RNF212: variants seen among roughly 807,000 people sequenced by gnomAD.
The protein encoded by RNF212 is ring finger protein 212, also known as probable E3 SUMO-protein ligase RNF212.
Under a neutral mutation model 34.7 loss-of-function variants are expected in RNF212, and 33 were observed. The observed-to-expected ratio is 0.95, with a 90% CI of 0.72 to 1.27. RNF212 has a LOEUF of 1.27. RNF212 is among the 50% of genes most tolerant of loss of function. The pLI is 0.00. For synonymous variants in RNF212, 140 were observed against 136.1 expected (o/e 1.03, Z -0.20); for missense variants, 377 against 362.2 (o/e 1.04, Z -0.33).
chr4:1,073,125 C>A lies in RNF212; in HGVS notation c.643G>T (p.Glu215Ter). ...LTLSKPPVPG[E>*]CVISRGSPCF... is the part of the protein sequence containing the mutation. ...GGTGAACCTCTGGAAATGACACACTCTCCGGGCACAGGGGGCTTAGACAAG... is the reference window on the plus strand; with the variant it reads ...GGTGAACCTCTGGAAATGACACACTATCCGGGCACAGGGGGCTTAGACAAG... The change falls in exon 10 of 10, where the codon GAG becomes TAG. Residue 215 changes from glutamate (E) to a stop codon, truncating the protein, a stop_gained. Coordinates refer to ENST00000433731, the MANE Select transcript of RNF212 (RefSeq NM_001131034.4). LOFTEE classifies it low-confidence loss of function (END_TRUNC). The A allele has an allele frequency of 6.2e-7, 1 of 1,614,194 alleles. No homozygotes were observed.
At chr4:1,090,494 C>T (rs963026573) in intron 4 of RNF212, among the ~76,000 whole-genome samples, 1 of 152,172 alleles carries the variant, frequency 6.6e-6, no homozygotes, top group Non-Finnish European at 1.5e-5. Flanking sequence ...TTCCAAACTC[C>T]CAAGGCCCCA....
At chr4:1,085,985 A>G in intron 4 of RNF212, 31 bp from the exon 5 acceptor site, 1 of 1,499,744 alleles carries the variant, frequency 6.7e-7, no homozygotes, top group South Asian at 1.1e-5. Context: ...TCTTGTTATC[A>G]GACAGGCTAT....
At chr4:1,089,706 A>AT (rs140575820) in intron 4 of RNF212, among the ~76,000 whole-genome samples, 25,577 of 152,038 alleles carry the variant, frequency 0.17, 3,284 homozygotes, top group African/African-American at 0.36. Context: ...AAGTGATTGG[A>AT]TCATGGGGGC....
intron 3 of RNF212, among the ~76,000 whole-genome samples, chr4:1,091,652 G>A (rs540743704): frequency 1.3e-5 from 2 of 152,312 alleles, no homozygotes; most frequent in South Asian, 2.1e-4. Context: ...CAAACACAGG[G>A]CAGGCTTCTT....
intron 3 of RNF212, among the ~76,000 whole-genome samples, chr4:1,058,967 C>T (rs1717550709): frequency 6.6e-6 from 1 of 152,228 alleles, no homozygotes; most frequent in Admixed American, 6.5e-5. Context: ...CTTTCAGTGC[C>T]CCACCCGTGT....
chr4:1,097,983 T>C (rs1379997357), intron 2 of RNF212, among the ~76,000 whole-genome samples: 2 of 152,024 alleles, frequency 1.3e-5, no homozygotes, highest in African/African-American at 4.8e-5. Flanking sequence ...AAGAATCGCT[T>C]GAACCCGGGA....
chr4:1,078,660 C>G (rs938555784), intron 8 of RNF212, among the ~76,000 whole-genome samples: 2 of 152,236 alleles, frequency 1.3e-5, no homozygotes, highest in African/African-American at 4.8e-5. Flanking sequence ...CCAGGGCCAC[C>G]AACTTTGCTG....
In RNF212 at chr4:1,057,449, TGAG is replaced by T. The variant is rs1717404110; in HGVS notation, n.220+869_220+871del. ...CGGAGTGGGAGGCCACCCAGAGGTC[TGAG>T]AAGAGCAGGGGGAGGTGAACTGTGG... On this transcript the variant is annotated intron_variant and non_coding_transcript_variant, in intron 4 of 4. Coordinates refer to the RNF212 transcript ENST00000503206. 1.3e-5 allele frequency among the ~76,000 whole-genome samples: 2 copies of T among 152,146 alleles called. 1 individual carries two copies. The highest frequency in any genetic ancestry group is 4.1e-4 in the South Asian group (2 of 4,832).
intron 4 of RNF212, chr4:1,056,538 C>T (rs1182825910): frequency 7.2e-6 from 7 of 967,440 alleles, no homozygotes; most frequent in Non-Finnish European, 8.6e-6. Flanking sequence ...ATGTTACATA[C>T]AAAAAATAAG....
chr4:1,064,891 C>T (rs1374271697), intron 3 of RNF212, among the ~76,000 whole-genome samples: 1 of 152,214 alleles, frequency 6.6e-6, no homozygotes, highest in East Asian at 1.9e-4. Context: ...TGGACTCACA[C>T]AGCATTTGTG....
intron 3 of RNF212, among the ~76,000 whole-genome samples, chr4:1,064,381 A>C (rs1717951208): frequency 6.6e-6 from 1 of 152,238 alleles, no homozygotes; most frequent in Non-Finnish European, 1.5e-5. Flanking sequence ...ATAATAAAGC[A>C]CACAGATAAA....
chr4:1,113,622 C>T, upstream of RNF212: 2 of 519,494 alleles, frequency 3.8e-6, no homozygotes, highest in Admixed American at 4.4e-5. Context: ...CGCCCTCCCG[C>T]CAACCTCGCG....
chr4:1,068,147 T>A (rs1298555732), downstream of RNF212, among the ~76,000 whole-genome samples: 2 of 152,196 alleles, frequency 1.3e-5, no homozygotes, highest in Non-Finnish European at 2.9e-5. Context: ...GAACCTGGAA[T>A]AGGCAAAATT....
chr4:1,065,595 G>A (rs1332969328), intron 3 of RNF212, among the ~76,000 whole-genome samples: 1 of 151,872 alleles, frequency 6.6e-6, no homozygotes, highest in Non-Finnish European at 1.5e-5. Context: ...AGCATCCTGA[G>A]AAGCTGGGAC....
In RNF212 at chr4:1,078,955, CA is replaced by C. The variant is rs1719824970; in HGVS notation, c.510+687del. Among the ~76,000 whole-genome samples the C allele has an allele frequency of 9.1e-5, 13 of 142,550 alleles. 1 individual carries two copies. Among genetic ancestry groups the C allele is most frequent in the Admixed American group, 1.4e-4 (2 of 14,232 alleles). 93.5% of individuals were successfully genotyped at this position (142,550 alleles called of 152,430 possible). A position where few individuals can be genotyped will look rare whatever the true frequency, so the allele number is the denominator to read the frequency against. Reference sequence around the variant, plus strand: ...ACACAGGGTCAACACAGGACCAACACAGGACCAACATAGGACCAACACAGGG... The same window carrying C: ...ACACAGGGTCAACACAGGACCAACACGGACCAACATAGGACCAACACAGGG... On this transcript the variant is annotated intron_variant, in intron 8 of 9. Transcript: ENST00000433731.
At chr4:1,077,352 T>G (rs1481590613) in intron 8 of RNF212, among the ~76,000 whole-genome samples, 14 of 152,208 alleles carry the variant, frequency 9.2e-5, no homozygotes, top group Admixed American at 9.2e-4. Flanking sequence ...TTTCCAACAG[T>G]AGCACCTAGT....
Position 1,072,970 on chromosome 4 carries a change from C to G in RNF212, c.798G>C (p.Pro266=), listed in dbSNP as rs571741312. ...YAEVQRAVLF[P]FQQAEGTLDT... is the part of the protein sequence containing the mutation. ...CCAGGGTGCCCTCAGCCTGCTGGAA[C>G]GGAAACAAGACGGCCCTTTGTACCT... is the stretch of plus-strand genomic sequence containing the variant. Residue 266 remains proline (P), a synonymous_variant, in exon 10 of 10, where the codon CCG becomes CCC. Transcript: ENST00000433731. The G allele has an allele frequency of 9.9e-6, 16 of 1,614,146 alleles. No homozygotes were observed. In the South Asian group the frequency reaches 1.6e-4, roughly 17 times the overall value.
intron 3 of RNF212, chr4:1,093,541 C>CTGCCCAGGCTGGAGCCAGCCGT: frequency 6.5e-7 from 1 of 1,534,242 alleles, no homozygotes; most frequent in East Asian, 2.4e-5. Flanking sequence ...GAGCCTGTGA[C>CTGCCCAGGCTGGAGCCAGCCGT]CTCCACGGCC....
Position 1,107,686 on chromosome 4 carries a change from G to A in RNF212, c.171+657C>T, listed in dbSNP as rs181922718. ...AGGATGGTCTTGATCTCCTGATCTC[G>A]TGATCCGCCCATCTTGGCCTCCCAA... On this transcript the variant is annotated intron_variant, in intron 2 of 9. Coordinates refer to ENST00000433731, the MANE Select transcript of RNF212 (RefSeq NM_001131034.4). 1.3e-3 allele frequency among the ~76,000 whole-genome samples: 198 copies of A among 151,658 alleles called. 1 individual carries two copies. The highest frequency in any genetic ancestry group is 4.6e-3 in the African/African-American group (188 of 41,306).
Sources: gnomAD v4.1 joint callset for allele counts (sites outside exome capture counted in the v4.1 genomes callset) on GRCh38, gnomAD v4.1.1 for gene constraint, MANE v1.5 for transcripts, NCBI Gene and HGNC (gene_info 2026-07-23, HGNC 2026-07-21) for gene names.